BBX: variants seen among roughly 807,000 people sequenced by gnomAD.
BBX encodes HMG box transcription factor BBX.
BBX carries 30 observed loss-of-function variants against 100.2 expected under a neutral mutation model. The observed-to-expected ratio is 0.30, with a 90% CI of 0.22 to 0.41. The LOEUF is 0.41. BBX is among the 10% of genes least tolerant of loss of function. The pLI is 1.00. For missense variants in BBX, 1,023 were observed against 1,129.8 expected (o/e 0.91, Z 1.35); for synonymous variants, 376 against 388.1 (o/e 0.97, Z 0.37).
intron 2 of BBX, among the ~76,000 whole-genome samples, chr3:107,608,525 T>C (rs1271678156): frequency 1.3e-5 from 2 of 152,156 alleles, no homozygotes; most frequent in Non-Finnish European, 2.9e-5. Context: ...CTTTTTTGCT[T>C]AGGATGAGTT....
Position 107,800,047 on chromosome 3 carries a change from CT to C in BBX, c.2552-1046del, listed in dbSNP as rs570183226. On this transcript the variant is annotated intron_variant, in intron 16 of 17. Transcript: ENST00000325805. Reference sequence around the variant, plus strand: ...GAGGACAGTTTATGAATTTTGTGCACTTCTTTTGTGTGTTTTGAATATTTAG... The same window carrying C: ...GAGGACAGTTTATGAATTTTGTGCACTCTTTTGTGTGTTTTGAATATTTAG... Among the ~76,000 whole-genome samples the C allele has an allele frequency of 1.8e-3, 281 of 152,268 alleles. 1 individual carries two copies. Among genetic ancestry groups the C allele is most frequent in the African/African-American group, 6.2e-3 (259 of 41,540 alleles).
At chr3:107,536,036 A>T (rs1182949123) in intron 2 of BBX, among the ~76,000 whole-genome samples, 1 of 152,268 alleles carries the variant, frequency 6.6e-6, no homozygotes, top group Admixed American at 6.5e-5. Flanking sequence ...GGAAAAATTA[A>T]TAAGCGGATT....
rs548822349 is a variant in BBX at position 107,633,595 on chromosome 3, A to G, written c.-83-12241A>G. ...TCATTTCTTTTGTTTTTTGAAAGAT[A>G]AAGAATCTTGAAATGTTAGAATCTT... On this transcript the variant is annotated intron_variant, in intron 2 of 17. Coordinates refer to ENST00000325805, the MANE Select transcript of BBX (RefSeq NM_001142568.3). Among the ~76,000 whole-genome samples the G allele has an allele frequency of 1.5e-4, 23 of 152,360 alleles. No homozygotes were observed. In the South Asian group the frequency reaches 4.8e-3, roughly 32 times the overall value.
intron 3 of BBX, among the ~76,000 whole-genome samples, chr3:107,685,846 TA>T (rs2059817504): frequency 2.6e-5 from 4 of 152,240 alleles, no homozygotes; most frequent in Non-Finnish European, 4.4e-5. Context: ...TTCTTTGTGA[TA>T]TTCTTTCCTT....
At chr3:107,792,559 G>A (rs2069172457) in intron 15 of BBX, among the ~76,000 whole-genome samples, 3 of 152,096 alleles carry the variant, frequency 2.0e-5, no homozygotes, top group South Asian at 2.1e-4. Context: ...ATCAGCTTCC[G>A]TGTCATTTTA....
chr3:107,718,380 G>A lies in BBX; in HGVS notation c.405+1531G>A, dbSNP rs905598279. On this transcript the variant is annotated intron_variant, in intron 5 of 17. Coordinates refer to ENST00000325805, the MANE Select transcript of BBX (RefSeq NM_001142568.3). ...AAAGACAGGATTTTAACTATATAGG[G>A]CCTGTGGAAAATTTGAAATCAATTA... Among the ~76,000 whole-genome samples, 4 of 150,070 alleles carry A rather than the reference G, an allele frequency of 2.7e-5. No individual in the cohort carries two copies. In the East Asian group the frequency reaches 7.8e-4, roughly 29 times the overall value.
chr3:107,603,244 G>A (rs1195017603), intron 2 of BBX, among the ~76,000 whole-genome samples: 10 of 152,172 alleles, frequency 6.6e-5, no homozygotes, highest in South Asian at 2.1e-4. Context: ...GATTACAGGC[G>A]TGAGCCACTG....
At chr3:107,558,496 C>T (rs2050244580) in intron 2 of BBX, among the ~76,000 whole-genome samples, 1 of 151,574 alleles carries the variant, frequency 6.6e-6, no homozygotes, top group African/African-American at 2.4e-5. Context: ...TCAAAAACAA[C>T]AAAAAACAGG....
At chr3:107,605,381 T>TG (rs199879212) in intron 2 of BBX, among the ~76,000 whole-genome samples, 8,963 of 151,376 alleles carry the variant, frequency 0.059, 869 homozygotes, top group African/African-American at 0.2. Flanking sequence ...TTCTATTTTT[T>TG]TTTTTGGGGG....
intron 4 of BBX, among the ~76,000 whole-genome samples, chr3:107,710,826 C>T (rs1485882064): frequency 6.6e-6 from 1 of 152,086 alleles, no homozygotes; most frequent in Admixed American, 6.5e-5. Context: ...TAGACTGAGA[C>T]ACATCCTTTT....
intron 2 of BBX, among the ~76,000 whole-genome samples, chr3:107,538,155 A>T (rs2048626118): frequency 6.6e-6 from 1 of 152,190 alleles, no homozygotes; most frequent in East Asian, 1.9e-4. Flanking sequence ...TGCAATACAT[A>T]CTTAGACCCA....
At chr3:107,579,833 T>G (rs188319256) in intron 2 of BBX, among the ~76,000 whole-genome samples, 1 of 152,356 alleles carries the variant, frequency 6.6e-6, no homozygotes, top group Non-Finnish European at 1.5e-5. Flanking sequence ...ATTTGTGTTC[T>G]TAAATGTCTT....
intron 2 of BBX, among the ~76,000 whole-genome samples, chr3:107,617,068 A>G (rs565656711): frequency 6.6e-6 from 1 of 152,274 alleles, no homozygotes; most frequent in Non-Finnish European, 1.5e-5. Flanking sequence ...TAATTTTTGT[A>G]TGAGTTGATC....
At chr3:107,585,800 A>T (rs2052789490) in intron 2 of BBX, among the ~76,000 whole-genome samples, 1 of 152,184 alleles carries the variant, frequency 6.6e-6, no homozygotes, top group African/African-American at 2.4e-5. Context: ...TAAAAAGTGA[A>T]CTTATTTTAA....
At chr3:107,734,327 A>G (rs2063508448) in intron 7 of BBX, among the ~76,000 whole-genome samples, 1 of 152,212 alleles carries the variant, frequency 6.6e-6, no homozygotes, top group Non-Finnish European at 1.5e-5. Context: ...ATGCACTGGT[A>G]GTTACTTTGT....
chr3:107,603,189 C>A (rs954805717), intron 2 of BBX, among the ~76,000 whole-genome samples: 4 of 151,922 alleles, frequency 2.6e-5, no homozygotes, highest in Non-Finnish European at 4.4e-5. Context: ...TGGTCTCGAT[C>A]TCTTGACATT....
intron 3 of BBX, among the ~76,000 whole-genome samples, chr3:107,691,706 A>C (rs1336933036): frequency 6.6e-6 from 1 of 152,200 alleles, no homozygotes; most frequent in South Asian, 2.1e-4. Flanking sequence ...ATTTACAAGT[A>C]CTATTTATTA....
At chr3:107,658,103 A>T (rs1223524472) in intron 3 of BBX, among the ~76,000 whole-genome samples, 1 of 152,092 alleles carries the variant, frequency 6.6e-6, no homozygotes, top group Non-Finnish European at 1.5e-5. Flanking sequence ...AGAAGTAGCC[A>T]TGTTGTATAA....
At chr3:107,545,915 T>TA (rs1333031849) in intron 2 of BBX, among the ~76,000 whole-genome samples, 2 of 152,220 alleles carry the variant, frequency 1.3e-5, no homozygotes, top group Non-Finnish European at 2.9e-5. Flanking sequence ...GGTGCTCTCT[T>TA]ACTAATCCTC....
Sources: gnomAD v4.1 joint callset for allele counts (sites outside exome capture counted in the v4.1 genomes callset) on GRCh38, gnomAD v4.1.1 for gene constraint, MANE v1.5 for transcripts, NCBI Gene and HGNC (gene_info 2026-07-23, HGNC 2026-07-21) for gene names.